The following ANXA2R variants were observed in gnomAD, a reference collection of about 807,000 sequenced individuals.
The protein encoded by ANXA2R is annexin A2 receptor.
For missense variants in ANXA2R, 244 were observed against 241.5 expected (o/e 1.01, Z -0.07); for synonymous variants, 93 against 93.6 (o/e 0.99, Z 0.04).
At chr5:43,041,646 A>G (rs1579632914), upstream of ANXA2R, 2 of 49,822 alleles carry the variant, frequency 4.0e-5, no homozygotes, top group Non-Finnish European at 7.6e-5. Context: ...CTAAACCTTT[A>G]AAAAAAAAAA....
At chr5:43,042,927 A>G (rs970312695), upstream of ANXA2R, 21 of 152,310 alleles carry the variant, frequency 1.4e-4, 1 homozygote, top group Admixed American at 1.4e-3. The surrounding 1 kb of genome is among the most constrained non-coding windows in gnomAD (Gnocchi z 5.6). Context: ...CTGTCGTCCC[A>G]TAGCAGCTTT....
At position 43,039,708 on chromosome 5, in the gene ANXA2R, G is replaced by A. The variant is rs1271072305; in HGVS notation, c.339C>T (p.Pro113=). 6.2e-7 allele frequency: 1 copy of A among 1,613,894 alleles called. No homozygotes were observed. The highest frequency in any genetic ancestry group is 8.5e-7 in the Non-Finnish European group (1 of 1,179,954). The change falls in exon 1 of 1, where the codon CCC becomes CCT. Residue 113 remains proline, a synonymous_variant. Transcript: ENST00000616064. ...PVEEVGQAEE[P]DRLRLQQLPW... is the part of the protein sequence containing the mutation. The stretch of plus-strand genomic sequence containing the variant: ...GAAGCTGCTGGAGCCTGAGTCTGTC[G>A]GGTTCCTCTGCCTGCCCCACCTCTT...
In ANXA2R at chr5:43,039,852, G is replaced by C. The variant is rs1419298411; in HGVS notation, c.195C>G (p.Pro65=). ...GLLSSPCWRL[P]GVYWQNGLSP... is the part of the protein sequence containing the mutation. ...AGAGTCCGTTTTGCCAGTAGACTCC[G>C]GGCAGCCGCCAGCAAGGGCTGGAAA... The change falls in exon 1 of 1, where the codon CCC becomes CCG. Residue 65 remains proline, a synonymous_variant. Transcript: ENST00000616064. 2 of 1,614,196 alleles carry C rather than the reference G, an allele frequency of 1.2e-6. No individual in the cohort carries two copies. Among genetic ancestry groups the C allele is most frequent in the South Asian group, 1.1e-5 (1 of 91,080 alleles).
At chr5:43,041,697 C>T (rs1335070713), upstream of ANXA2R, 1 of 150,074 alleles carries the variant, frequency 6.7e-6, no homozygotes, top group Non-Finnish European at 1.5e-5. Flanking sequence ...AGGAGTTAAA[C>T]ATTTCCTGCG....
In ANXA2R at chr5:43,039,776, A is replaced by T; in HGVS notation, c.271T>A (p.Phe91Ile). The change falls in exon 1 of 1, where the codon TTC becomes ATC. Residue 91 changes from phenylalanine to isoleucine, a missense_variant. By Grantham distance (21) the Phe-to-Ile change is conservative (BLOSUM62 0). Coordinates refer to ENST00000616064, the MANE Select transcript of ANXA2R (RefSeq NM_001014279.3). ...LEPSTAKPTE[F>I]SWPGTQKQQE... is the part of the protein sequence containing the mutation. The stretch of plus-strand genomic sequence containing the variant: ...TGCTTCTGTGTCCCCGGCCAACTGA[A>T]CTCAGTGGGCTTCGCTGTACTTGGT... 1 of 1,614,030 alleles carries T rather than the reference A, an allele frequency of 6.2e-7. No individual in the cohort carries two copies. Among genetic ancestry groups the T allele is most frequent in the Non-Finnish European group, 8.5e-7 (1 of 1,179,994 alleles).
At position 43,039,828 on chromosome 5, in the gene ANXA2R, G is replaced by C. The variant is rs1455838361; in HGVS notation, c.219C>G (p.Leu73=). Residue 73 remains leucine, a synonymous_variant, in exon 1 of 1, where the codon CTC becomes CTG. Coordinates refer to ENST00000616064, the MANE Select transcript of ANXA2R (RefSeq NM_001014279.3). The part of the protein sequence containing the change: ...RLPGVYWQNG[L]SPGVQSTLEP... ...CCAAGGTGCTCTGGACTCCAGGAGA[G>C]AGTCCGTTTTGCCAGTAGACTCCGG... 6.2e-7 allele frequency: 1 copy of C among 1,614,244 alleles called. No homozygotes were observed. Among genetic ancestry groups the C allele is most frequent in the South Asian group, 1.1e-5 (1 of 91,086 alleles).
At chr5:43,042,254 G>C (rs1444615655), upstream of ANXA2R, 4 of 152,758 alleles carry the variant, frequency 2.6e-5, no homozygotes, top group African/African-American at 9.6e-5. This position sits in a 1 kb window ranked among gnomAD's most constrained non-coding sequence, Gnocchi z 5.6. Context: ...AACGGGGGCA[G>C]CTGCGACTTT....
Position 43,039,757 on chromosome 5 carries a change from T to C in ANXA2R, c.290A>G (p.Gln97Arg), listed in dbSNP as rs1354294629. The C allele has an allele frequency of 6.2e-7, 1 of 1,614,236 alleles. No individual in the cohort carries two copies. The highest frequency in any genetic ancestry group is 1.7e-5 in the Admixed American group (1 of 60,024). Residue 97 changes from glutamine to arginine, a missense_variant, in exon 1 of 1, where the codon CAG (glutamine) becomes CGG (arginine). By Grantham distance (43) the Gln-to-Arg change is conservative. Coordinates refer to ENST00000616064, the MANE Select transcript of ANXA2R (RefSeq NM_001014279.3). ...KPTEFSWPGT[Q>R]KQQEAPVEEV... ...TTCTACGGGTGCCTCTTGCTGCTTC[T>C]GTGTCCCCGGCCAACTGAACTCAGT...
In ANXA2R at chr5:43,040,006, T is replaced by TC; in HGVS notation, c.40dup (p.Asp14GlyfsTer40). On this transcript the variant is annotated frameshift_variant, in exon 2 of 2. Coordinates refer to the ANXA2R transcript ENST00000314890. LOFTEE classifies it low-confidence loss of function (END_TRUNC). ...GGGCTCTGGCGCCACCTCTGCGGAATCCCAAGCCCGCTTCACACAGCCAAG... is the reference window on the plus strand; with the variant it reads ...GGGCTCTGGCGCCACCTCTGCGGAATCCCCAAGCCCGCTTCACACAGCCAAG... 6.2e-7 allele frequency: 1 copy of TC among 1,612,234 alleles called. No homozygotes were observed.
At position 43,039,423 on chromosome 5, in the gene ANXA2R, A is replaced by T; in HGVS notation, c.*42T>A. The T allele has an allele frequency of 1.4e-6, 2 of 1,450,750 alleles. No individual in the cohort carries two copies. The highest frequency in any genetic ancestry group is 1.8e-6 in the Non-Finnish European group (2 of 1,090,708). The allele number at this position is 1,450,750 out of a possible 1,614,324, so 89.9% of individuals were successfully genotyped here. On this transcript the variant is annotated 3_prime_UTR_variant, in exon 1 of 1. Coordinates refer to ENST00000616064, the MANE Select transcript of ANXA2R (RefSeq NM_001014279.3). ...AGGTGGAGACGTTTGGTAACTGAGA[A>T]TCTTTTCAAGGAGGAGAATCCAAAA...
chr5:43,039,411 T>TA lies in ANXA2R; in HGVS notation c.*53_*54insT. 1 of 1,401,790 alleles carries TA rather than the reference T, an allele frequency of 7.1e-7. No individual in the cohort carries two copies. The highest frequency in any genetic ancestry group is 1.6e-5 in the South Asian group (1 of 62,242). 86.8% of individuals were successfully genotyped at this position (1,401,790 alleles called of 1,614,324 possible). On this transcript the variant is annotated 3_prime_UTR_variant, in exon 1 of 1. Transcript: ENST00000616064. ...TTTTTATTTTCTAGGTGGAGACGTT[T>TA]GGTAACTGAGAATCTTTTCAAGGAG...
chr5:43,040,717 C>G (rs906320746), upstream of ANXA2R: 6 of 152,120 alleles, frequency 3.9e-5, no homozygotes, highest in Non-Finnish European at 7.4e-5. Flanking sequence ...TGTTTTAACC[C>G]GTTTTAATGG....
chr5:43,039,607 C>T lies in ANXA2R; in HGVS notation c.440G>A (p.Arg147His). 1 of 1,613,960 alleles carries T rather than the reference C, an allele frequency of 6.2e-7. No homozygotes were observed. Among genetic ancestry groups the T allele is most frequent in the African/African-American group, 1.3e-5 (1 of 75,040 alleles). ...CGGCTGGAGGGCAGGAGGATGGCGG[C>T]GTTCCAAAAGGCACCCGCTGTCACA... Reference protein sequence around the residue: ...EVCDSGCLLERRHPPALQPWR... With the variant: ...EVCDSGCLLEHRHPPALQPWR... Residue 147 changes from arginine to histidine, a missense_variant, in exon 1 of 1, where the codon CGC becomes CAC. Physicochemically the swap from Arg to His is conservative, Grantham distance 29. Transcript: ENST00000616064.
Position 43,039,778 on chromosome 5 carries a change from TC to T in ANXA2R, c.268del (p.Glu90SerfsTer15). On this transcript the variant is annotated frameshift_variant, in exon 2 of 2. Transcript: ENST00000314890. LOFTEE classifies it low-confidence loss of function (END_TRUNC). Reference sequence around the variant, plus strand: ...CTTCTGTGTCCCCGGCCAACTGAACTCAGTGGGCTTCGCTGTACTTGGTTCC... The same window carrying T: ...CTTCTGTGTCCCCGGCCAACTGAACTAGTGGGCTTCGCTGTACTTGGTTCC... 13 of 1,614,182 alleles carry T rather than the reference TC, an allele frequency of 8.1e-6. No homozygotes were observed. The highest frequency in any genetic ancestry group is 1.1e-5 in the Non-Finnish European group (13 of 1,180,016).
Position 43,040,070 on chromosome 5 carries a change from T to G in ANXA2R, c.-24A>C. On this transcript the variant is annotated 5_prime_UTR_variant, in exon 1 of 1. Transcript: ENST00000616064. ...ATCCCTCAAGCCTCAGACCAACGTT[T>G]GCGCTGATCAAGGAGGGAGAGTCTC... The G allele has an allele frequency of 6.4e-7, 1 of 1,574,026 alleles. No homozygotes were observed. The highest frequency in any genetic ancestry group is 8.6e-7 in the Non-Finnish European group (1 of 1,161,074).
chr5:43,041,856 C>A (rs185260793), upstream of ANXA2R: 1 of 152,302 alleles, frequency 6.6e-6, no homozygotes, highest in Non-Finnish European at 1.5e-5. Flanking sequence ...GGTAACTTCG[C>A]CTTCGCATGG....
upstream of ANXA2R, chr5:43,042,492 C>G (rs1428781715): frequency 6.5e-6 from 1 of 152,882 alleles, no homozygotes; most frequent in Non-Finnish European, 1.5e-5. The surrounding 1 kb of genome is among the most constrained non-coding windows in gnomAD (Gnocchi z 5.6). Context: ...CGAGAAACTC[C>G]GTGCAGCAAG....
rs76498907 is a variant in ANXA2R, at chr5:43,039,516, G to T, written c.531C>A (p.Phe177Leu). 4,035 of 1,607,792 alleles carry T rather than the reference G, an allele frequency of 2.5e-3. 8 individuals carry two copies. Among genetic ancestry groups the T allele is most frequent in the Non-Finnish European group, 3.1e-3 (3,627 of 1,176,410 alleles). ...EWILRVGFAAFSVLWACCSRI... is the reference protein window; with the variant it reads ...EWILRVGFAALSVLWACCSRI... Reference sequence around the variant, plus strand: ...GTGAACAGCACGCCCAGAGTACAGAGAACGCGGCAAAACCAACGCGAAGAA... The same window carrying T: ...GTGAACAGCACGCCCAGAGTACAGATAACGCGGCAAAACCAACGCGAAGAA... Residue 177 changes from phenylalanine to leucine, a missense_variant, in exon 1 of 1, where the codon TTC becomes TTA. Phe to Leu is a conservative substitution (Grantham distance 22). Transcript: ENST00000616064.
At position 43,039,397 on chromosome 5, in the gene ANXA2R, T is replaced by C. The variant is rs1324800899; in HGVS notation, c.*68A>G. On this transcript the variant is annotated 3_prime_UTR_variant, in exon 1 of 1. Coordinates refer to ENST00000616064, the MANE Select transcript of ANXA2R (RefSeq NM_001014279.3). ...CACATCTTAATGTATTTTTATTTTC[T>C]AGGTGGAGACGTTTGGTAACTGAGA... 1 of 1,299,270 alleles carries C rather than the reference T, an allele frequency of 7.7e-7. No individual in the cohort carries two copies. The highest frequency in any genetic ancestry group is 1.0e-6 in the Non-Finnish European group (1 of 966,394). The allele number at this position is 1,299,270 out of a possible 1,614,324, so 80.5% of individuals were successfully genotyped here. A position where few individuals can be genotyped will look rare whatever the true frequency, so the allele number is the denominator to read the frequency against.
Sources: gnomAD v4.1 joint callset for allele counts on GRCh38, gnomAD v4.1.1 for gene constraint, Gnocchi (gnomAD v3.1) non-coding constraint, MANE v1.5 for transcripts, NCBI Gene and HGNC (gene_info 2026-07-23, HGNC 2026-07-21) for gene names.